Variants in FGD4 observed in about 807,000 individuals in gnomAD.
FGD4 encodes FYVE, RhoGEF and PH domain containing 4, also known as FYVE, RhoGEF and PH domain-containing protein 4.
FGD4 carries 42 observed loss-of-function variants against 102.0 expected under a neutral mutation model. The ratio of observed to expected loss-of-function variants is 0.41; its 90% CI spans 0.32 to 0.53. The LOEUF (loss-of-function observed/expected upper bound fraction) is 0.53, where lower values mean the gene tolerates loss of function less well. Ranked by LOEUF, FGD4 falls within the 20% of genes least tolerant of loss-of-function variation. The pLI is 0.21. For synonymous variants in FGD4, 380 were observed against 375.7 expected (o/e 1.01, Z -0.13); for missense variants, 902 against 1,078.2 (o/e 0.84, Z 2.29).
intron 11 of FGD4, among the ~76,000 whole-genome samples, chr12:32,622,062 A>G (rs146930804): frequency 1.6e-4 from 24 of 152,136 alleles, no homozygotes; most frequent in African/African-American, 5.5e-4. Context: ...TAACTTTTGT[A>G]TTTTTAGTGT....
At chr12:32,619,660 T>G in intron 10 of FGD4, 38 bp from the exon 11 acceptor site, 1 of 1,611,902 alleles carries the variant, frequency 6.2e-7, no homozygotes, top group Admixed American at 1.7e-5. Context: ...TTTCCCCTAT[T>G]TCTTTTCTTT....
At chr12:32,425,206 T>A (rs550247109) in intron 1 of FGD4, among the ~76,000 whole-genome samples, 1 of 152,324 alleles carries the variant, frequency 6.6e-6, no homozygotes, top group Non-Finnish European at 1.5e-5. Flanking sequence ...AGGTTTTAGG[T>A]CTTACATTTA....
rs143275370 is a variant in FGD4 at position 32,428,469 on chromosome 12, C to T, written c.166+28510C>T. ...GATGGGCTTTCCTTTGTGGGTAACC[C>T]AACCTTTCTTTCTGTCTGCCCTTAA... On this transcript the variant is annotated intron_variant, in intron 1 of 16. Transcript: ENST00000534526. 2.9e-3 allele frequency among the ~76,000 whole-genome samples: 437 copies of T among 152,198 alleles called. 4 individuals carry two copies. Among genetic ancestry groups the T allele is most frequent in the African/African-American group, 0.01 (424 of 41,540 alleles).
At chr12:32,633,218 G>T in intron 14 of FGD4, among the ~76,000 whole-genome samples, 1 of 108,624 alleles carries the variant, frequency 9.2e-6, no homozygotes, top group East Asian at 2.1e-4. Flanking sequence ...ACCGGGTTGG[G>T]AGGAGGGGGT....
At chr12:32,532,450 A>G (rs1479741197) in intron 1 of FGD4, among the ~76,000 whole-genome samples, 2 of 152,162 alleles carry the variant, frequency 1.3e-5, no homozygotes, top group Admixed American at 6.5e-5. Context: ...AATTAACACT[A>G]CCTTACAGAG....
At chr12:32,583,165 C>G (rs1946747951) in intron 4 of FGD4, among the ~76,000 whole-genome samples, 1 of 151,986 alleles carries the variant, frequency 6.6e-6, no homozygotes, top group African/African-American at 2.4e-5. Context: ...GGTGAGAGCC[C>G]ATATCTACAA....
intron 2 of FGD4, among the ~76,000 whole-genome samples, chr12:32,571,962 A>G (rs1945703612): frequency 6.6e-6 from 1 of 152,092 alleles, no homozygotes; most frequent in Non-Finnish European, 1.5e-5. Flanking sequence ...GCTACTCTGG[A>G]GACTGAGATG....
At chr12:32,614,744 T>TA (rs1366842395) in intron 10 of FGD4, among the ~76,000 whole-genome samples, 7 of 152,252 alleles carry the variant, frequency 4.6e-5, no homozygotes, top group Non-Finnish European at 5.9e-5. Flanking sequence ...CAGTTAATAG[T>TA]GTAAAAACTA....
At chr12:32,597,842 T>A (rs1948034888) in intron 4 of FGD4, among the ~76,000 whole-genome samples, 1 of 152,090 alleles carries the variant, frequency 6.6e-6, no homozygotes, top group South Asian at 2.1e-4. Flanking sequence ...CATGTGGGGG[T>A]TCACTTTACT....
At chr12:32,539,905 G>C (rs1308022432) in intron 1 of FGD4, among the ~76,000 whole-genome samples, 4 of 152,152 alleles carry the variant, frequency 2.6e-5, no homozygotes, top group Non-Finnish European at 5.9e-5. Context: ...TTTTATAAAT[G>C]TGTAAGCCCC....
Position 32,598,577 on chromosome 12 carries a change from C to T in FGD4, c.1092C>T (p.Leu364=). Residue 364 remains leucine, a synonymous_variant, in exon 5 of 17, where the codon CTC becomes CTT. Transcript: ENST00000534526. ...TERAYVNRLD[L]LDQVFYCKLL... ...GAGCTTATGTCAACCGACTTGACCTCTTAGATCAGGTAAGATTTTCTTTCT... is the reference window on the plus strand; with the variant it reads ...GAGCTTATGTCAACCGACTTGACCTTTTAGATCAGGTAAGATTTTCTTTCT... The T allele has an allele frequency of 1.2e-6, 2 of 1,612,146 alleles. No individual in the cohort carries two copies. The highest frequency in any genetic ancestry group is 1.7e-6 in the Non-Finnish European group (2 of 1,178,412).
intron 11 of FGD4, 56 bp downstream of exon 11, chr12:32,619,926 A>T: frequency 6.3e-7 from 1 of 1,592,220 alleles, no homozygotes. Flanking sequence ...AGAATGAATC[A>T]TTAAAATAGA....
At chr12:32,550,518 T>G (rs775456085) in intron 1 of FGD4, among the ~76,000 whole-genome samples, 1 of 151,254 alleles carries the variant, frequency 6.6e-6, no homozygotes, top group Non-Finnish European at 1.5e-5. Flanking sequence ...AAATATTTTT[T>G]AAAAATTAGC....
intron 1 of FGD4, among the ~76,000 whole-genome samples, chr12:32,535,028 T>A (rs996267179): frequency 6.6e-6 from 1 of 152,202 alleles, no homozygotes; most frequent in African/African-American, 2.4e-5. Flanking sequence ...GTTTGTTTTT[T>A]AAAAATTGTT....
chr12:32,451,045 T>C (rs1020302616), intron 1 of FGD4, among the ~76,000 whole-genome samples: 23 of 152,334 alleles, frequency 1.5e-4, no homozygotes, highest in African/African-American at 4.8e-4. Flanking sequence ...TTTTTAAGTG[T>C]GACACATCTA....
At chr12:32,455,105 C>T (rs1324858150) in intron 1 of FGD4, among the ~76,000 whole-genome samples, 2 of 152,048 alleles carry the variant, frequency 1.3e-5, no homozygotes, top group Admixed American at 6.6e-5. Flanking sequence ...CAAGAAGAAA[C>T]GAGGAAGATT....
At chr12:32,563,460 A>G (rs1444111184) in intron 1 of FGD4, among the ~76,000 whole-genome samples, 11 of 142,928 alleles carry the variant, frequency 7.7e-5, no homozygotes, top group Admixed American at 2.8e-4. Context: ...GGGAAGAGGC[A>G]CTCCTCACTT....
At chr12:32,509,353 G>A (rs987145980) in intron 1 of FGD4, among the ~76,000 whole-genome samples, 1 of 149,950 alleles carries the variant, frequency 6.7e-6, no homozygotes, top group African/African-American at 2.5e-5. Context: ...ACTCTAAAGA[G>A]ATGAAAAGAG....
At position 32,612,438 on chromosome 12, in the gene FGD4, C is replaced by T. The variant is rs548450975; in HGVS notation, c.1749+1155C>T. On this transcript the variant is annotated intron_variant, in intron 10 of 16. Transcript: ENST00000534526. ...GCAGAATGAGCCCAGCAGGCCCAAGCAGAACTCAGGCAAAGGAGCCACTGG... is the reference window on the plus strand; with the variant it reads ...GCAGAATGAGCCCAGCAGGCCCAAGTAGAACTCAGGCAAAGGAGCCACTGG... 3.8e-4 allele frequency among the ~76,000 whole-genome samples: 58 copies of T among 152,262 alleles called. 1 individual carries two copies. Among genetic ancestry groups the T allele is most frequent in the Admixed American group, 5.9e-4 (9 of 15,290 alleles).
Sources: allele counts gnomAD v4.1 joint callset (sites outside exome capture counted in the v4.1 genomes callset), GRCh38; gene constraint gnomAD v4.1.1; transcripts MANE v1.5; gene names NCBI Gene and HGNC (gene_info 2026-07-23, HGNC 2026-07-21).